SUSD4: variants seen among roughly 807,000 people sequenced by gnomAD.
The protein encoded by SUSD4 is sushi domain containing 4.
A neutral mutation model predicts 50.5 loss-of-function variants in SUSD4; 41 were observed. The observed-to-expected ratio is 0.81, with a 90% CI of 0.63 to 1.05. SUSD4 has a LOEUF of 1.05. Ranked by LOEUF, SUSD4 falls within the 50% of genes least tolerant of loss-of-function variation. The probability of loss-of-function intolerance (pLI) is 0.00; values close to 1 mark genes in which losing one functional copy is unlikely to be tolerated. For synonymous variants in SUSD4, 257 were observed against 257.3 expected (o/e 1.00, Z 0.01); for missense variants, 580 against 634.7 (o/e 0.91, Z 0.93).
chr1:223,310,725 C>A (rs1289705198), intron 2 of SUSD4, among the ~76,000 whole-genome samples: 3 of 152,026 alleles, frequency 2.0e-5, no homozygotes, highest in Non-Finnish European at 4.4e-5. Context: ...CATTCATAAT[C>A]AAGAAAAAAA....
At chr1:223,251,543 G>C (rs1037227150) in intron 5 of SUSD4, among the ~76,000 whole-genome samples, 1 of 152,102 alleles carries the variant, frequency 6.6e-6, no homozygotes, top group Non-Finnish European at 1.5e-5. Flanking sequence ...ATATCAACTT[G>C]TGTCCTTATA....
chr1:223,261,648 G>A (rs543301474), intron 5 of SUSD4, among the ~76,000 whole-genome samples: 73 of 152,282 alleles, frequency 4.8e-4, no homozygotes, highest in African/African-American at 1.5e-3. Flanking sequence ...GTCATCTTAC[G>A]TAGACACAGC....
intron 6 of SUSD4, among the ~76,000 whole-genome samples, chr1:223,228,532 C>T (rs1398375843): frequency 3.3e-5 from 5 of 152,170 alleles, no homozygotes; most frequent in African/African-American, 7.2e-5. Flanking sequence ...GTGCTGGTGC[C>T]CCAGTCTCTA....
chr1:223,287,987 G>A lies in SUSD4; in HGVS notation c.361+4452C>T, dbSNP rs116179780. Among the ~76,000 whole-genome samples the A allele has an allele frequency of 3.1e-3, 477 of 152,316 alleles. 3 individuals carry two copies. The highest frequency in any genetic ancestry group is 0.011 in the African/African-American group (454 of 41,548). Reference sequence around the variant, plus strand: ...AGTTGTCTTTCTGCACAAGGAACATGTTGTCTATACCCAAAGGTGTTCAAG... The same window carrying A: ...AGTTGTCTTTCTGCACAAGGAACATATTGTCTATACCCAAAGGTGTTCAAG... On this transcript the variant is annotated intron_variant, in intron 3 of 8. Transcript: ENST00000366878.
intron 8 of SUSD4, among the ~76,000 whole-genome samples, chr1:223,222,813 G>A (rs1447020537): frequency 1.3e-5 from 2 of 152,168 alleles, no homozygotes; most frequent in African/African-American, 4.8e-5. Flanking sequence ...ACACACTGCT[G>A]GGCCCTAGTG....
In SUSD4 at chr1:223,227,785, G is replaced by C. The variant is rs1407391665; in HGVS notation, c.917-47C>G. 6.4e-7 allele frequency: 1 copy of C among 1,552,852 alleles called. No individual in the cohort carries two copies. Among genetic ancestry groups the C allele is most frequent in the East Asian group, 2.4e-5 (1 of 41,968 alleles). ...TGTACGTGAGGCTCCCAGACCATGA[G>C]AGGTGCCGAGGTTCCCCGTGGGCTC... is the stretch of plus-strand genomic sequence containing the variant. On this transcript the variant is annotated intron_variant, in intron 6 of 8. Coordinates refer to ENST00000366878, the MANE Select transcript of SUSD4 (RefSeq NM_017982.4). This position sits in a 1 kb window ranked among gnomAD's most constrained non-coding sequence, Gnocchi z 4.5.
Position 223,231,268 on chromosome 1 carries a change from G to A in SUSD4, c.725-1880C>T. On this transcript the variant is annotated intron_variant, in intron 5 of 8. Coordinates refer to ENST00000366878, the MANE Select transcript of SUSD4 (RefSeq NM_017982.4). This position sits in a 1 kb window ranked among gnomAD's most constrained non-coding sequence, Gnocchi z 4.2. ...AAGCCAGTGGGGAGCCAGGTGACAAGGGGGTCTGGGAAACAGGGTCTGCGG... is the reference window on the plus strand; with the variant it reads ...AAGCCAGTGGGGAGCCAGGTGACAAAGGGGTCTGGGAAACAGGGTCTGCGG... Among the ~76,000 whole-genome samples the A allele has an allele frequency of 6.6e-6, 1 of 152,184 alleles. No homozygotes were observed. Among genetic ancestry groups the A allele is most frequent in the East Asian group, 1.9e-4 (1 of 5,188 alleles).
chr1:223,228,827 G>C (rs1475699394), intron 6 of SUSD4, among the ~76,000 whole-genome samples: 1 of 151,982 alleles, frequency 6.6e-6, no homozygotes, highest in Non-Finnish European at 1.5e-5. Context: ...GGAGAAAAAA[G>C]AGTGTGGAGG....
chr1:223,252,561 CT>C (rs962535603), intron 5 of SUSD4, among the ~76,000 whole-genome samples: 7 of 152,162 alleles, frequency 4.6e-5, no homozygotes, highest in African/African-American at 1.7e-4. Context: ...GGCTTCCCAG[CT>C]TCCTGAACAA....
intron 5 of SUSD4, among the ~76,000 whole-genome samples, chr1:223,258,633 T>C (rs1220522460): frequency 6.6e-6 from 1 of 152,062 alleles, no homozygotes; most frequent in Non-Finnish European, 1.5e-5. Context: ...CTGGGAGAAA[T>C]GGCAGCCACG....
intron 2 of SUSD4, among the ~76,000 whole-genome samples, chr1:223,333,455 T>G (rs1667287870): frequency 6.6e-6 from 1 of 152,158 alleles, no homozygotes; most frequent in African/African-American, 2.4e-5. Context: ...GTGCTTCCTG[T>G]TGAACATGGT....
intron 8 of SUSD4, 105 bp downstream of exon 8, chr1:223,223,144 C>T (rs551961548): frequency 6.3e-5 from 90 of 1,422,974 alleles, no homozygotes; most frequent in Middle Eastern, 5.2e-4. Flanking sequence ...CAGATTGATT[C>T]GACTCTGTGC....
chr1:223,291,482 C>T (rs1664483916), intron 3 of SUSD4, among the ~76,000 whole-genome samples: 1 of 82,112 alleles, frequency 1.2e-5, no homozygotes. Context: ...GAGGGAGACA[C>T]TGTCTCAAAA....
intron 6 of SUSD4, among the ~76,000 whole-genome samples, chr1:223,228,131 C>G (rs560237159): frequency 3.0e-4 from 46 of 152,238 alleles, no homozygotes; most frequent in African/African-American, 1.1e-3. Flanking sequence ...TGTGAATGTT[C>G]TGGGATATGC....
intron 2 of SUSD4, among the ~76,000 whole-genome samples, chr1:223,347,598 T>C (rs1444076179): frequency 2.6e-5 from 4 of 152,066 alleles, no homozygotes; most frequent in South Asian, 2.1e-4. Context: ...AGATCCCCTA[T>C]AGAAGCTGAC....
At chr1:223,330,672 A>T (rs972317853) in intron 2 of SUSD4, among the ~76,000 whole-genome samples, 2 of 152,220 alleles carry the variant, frequency 1.3e-5, no homozygotes, top group African/African-American at 4.8e-5. Context: ...CATGCAGCTA[A>T]TGTACAGTTA....
In SUSD4 at chr1:223,222,069, TGTGGTCC is replaced by T; in HGVS notation, c.*116_*122del. 4 of 900,414 alleles carry T rather than the reference TGTGGTCC, an allele frequency of 4.4e-6. No individual in the cohort carries two copies. The allele number at this position is 900,414 out of a possible 1,614,324, so 55.8% of individuals were successfully genotyped here. On this transcript the variant is annotated 3_prime_UTR_variant, in exon 9 of 9. Transcript: ENST00000366878. ...GGAGCCTGAGATGCATAATGTGAAC[TGTGGTCC>T]CCATGTAGACAAGTTAGACATTTTG... is the stretch of plus-strand genomic sequence containing the variant.
chr1:223,343,880 C>T (rs1667893613), intron 2 of SUSD4, among the ~76,000 whole-genome samples: 1 of 152,194 alleles, frequency 6.6e-6, no homozygotes, highest in Non-Finnish European at 1.5e-5. Context: ...CTTCTCCACC[C>T]TTCCAGCTTT....
intron 5 of SUSD4, among the ~76,000 whole-genome samples, chr1:223,254,413 G>A (rs1474209518): frequency 6.6e-6 from 1 of 152,164 alleles, no homozygotes; most frequent in African/African-American, 2.4e-5. Context: ...AGGAGTCCAG[G>A]AGAGACAGAG....
Sources: allele counts gnomAD v4.1 joint callset (sites outside exome capture counted in the v4.1 genomes callset), GRCh38; gene constraint gnomAD v4.1.1; non-coding constraint Gnocchi (gnomAD v3.1); transcripts MANE v1.5; gene names NCBI Gene and HGNC (gene_info 2026-07-23, HGNC 2026-07-21).